VPS37A: variants seen among roughly 807,000 people sequenced by gnomAD.
VPS37A encodes VPS37A subunit of ESCRT-I, also known as vacuolar protein sorting-associated protein 37A.
In VPS37A, 30 loss-of-function variants were observed where a neutral mutation model predicts 49.8. That is an observed-to-expected ratio of 0.60 (90% CI 0.45 to 0.82). The LOEUF is 0.82. Ranked by LOEUF, VPS37A falls within the 40% of genes least tolerant of loss-of-function variation. VPS37A has a pLI of 0.00. For missense variants in VPS37A, 593 were observed against 464.4 expected (o/e 1.28, Z -2.55); for synonymous variants, 195 against 160.6 (o/e 1.21, Z -1.62).
At chr8:17,276,870 G>A (rs958670348) in intron 6 of VPS37A, among the ~76,000 whole-genome samples, 1 of 152,146 alleles carries the variant, frequency 6.6e-6, no homozygotes, top group East Asian at 1.9e-4. Flanking sequence ...AAAGTATTAG[G>A]TGTTTTTACA....
the VPS37A span, among the ~76,000 whole-genome samples, chr8:17,327,258 T>C: frequency 6.6e-6 from 1 of 152,160 alleles, no homozygotes; most frequent in Non-Finnish European, 1.5e-5. Context: ...ACTATCAACA[T>C]AGGCATGTCT....
the VPS37A span, among the ~76,000 whole-genome samples, chr8:17,315,299 C>A: frequency 6.6e-6 from 1 of 152,016 alleles, no homozygotes; most frequent in African/African-American, 2.4e-5. Flanking sequence ...GGCAAAACTA[C>A]GGAGACAGTA....
chr8:17,303,339 T>C (rs1817249080), downstream of VPS37A, among the ~76,000 whole-genome samples: 1 of 152,092 alleles, frequency 6.6e-6, no homozygotes, highest in Non-Finnish European at 1.5e-5. Context: ...GAGAAGATAA[T>C]TAGATTGAAA....
chr8:17,258,533 T>C (rs1452817385), intron 1 of VPS37A, among the ~76,000 whole-genome samples: 1 of 152,152 alleles, frequency 6.6e-6, no homozygotes, highest in Non-Finnish European at 1.5e-5. Context: ...TTTGTCGAAT[T>C]TGGTTTGCTA....
intron 1 of VPS37A, among the ~76,000 whole-genome samples, chr8:17,257,460 G>A (rs1186277772): frequency 6.6e-6 from 1 of 152,146 alleles, no homozygotes; most frequent in Non-Finnish European, 1.5e-5. Flanking sequence ...ATGGATACAG[G>A]GAGGGGAACA....
At chr8:17,294,368 G>C (rs1019193094) in intron 11 of VPS37A, among the ~76,000 whole-genome samples, 1 of 152,218 alleles carries the variant, frequency 6.6e-6, no homozygotes, top group Non-Finnish European at 1.5e-5. Context: ...TTTCAAGCCA[G>C]TGGATCTTAG....
downstream of VPS37A, among the ~76,000 whole-genome samples, chr8:17,301,419 G>C (rs1563311545): frequency 4.6e-5 from 7 of 152,154 alleles, no homozygotes; most frequent in Admixed American, 1.3e-4. Flanking sequence ...CAGGAGTAGG[G>C]ACAGTGAGAG....
the VPS37A span, chr8:17,313,223 G>C: frequency 8.6e-7 from 1 of 1,164,976 alleles, no homozygotes; most frequent in Non-Finnish European, 1.3e-6. Context: ...CCATGGCAGA[G>C]GGATACCCAT....
intron 11 of VPS37A, among the ~76,000 whole-genome samples, chr8:17,290,795 A>G (rs1016654590): frequency 3.3e-5 from 5 of 152,160 alleles, no homozygotes; most frequent in Admixed American, 2.6e-4. Context: ...TTGGCTATGA[A>G]TCAGTCTGGT....
the VPS37A span, among the ~76,000 whole-genome samples, chr8:17,312,028 A>G: frequency 5.3e-5 from 8 of 152,308 alleles, no homozygotes; most frequent in South Asian, 4.1e-4. Flanking sequence ...CAAAAAAGTT[A>G]TAAATTACAG....
chr8:17,247,848 G>C (rs1168505946), intron 1 of VPS37A: 1 of 682,378 alleles, frequency 1.5e-6, no homozygotes, highest in Non-Finnish European at 2.7e-6. Context: ...AATGCTTCTC[G>C]TCTGAGAGTC....
the VPS37A span, among the ~76,000 whole-genome samples, chr8:17,331,677 A>G: frequency 2.0e-5 from 3 of 152,242 alleles, no homozygotes; most frequent in Non-Finnish European, 4.4e-5. Context: ...AGCTGTCAAA[A>G]TAAGGCTCTA....
In VPS37A at chr8:17,295,437, T is replaced by C. The variant is rs1374142521; in HGVS notation, c.*451T>C. On this transcript the variant is annotated 3_prime_UTR_variant, in exon 12 of 12. Transcript: ENST00000324849. Reference sequence around the variant, plus strand: ...TGAGGAAACCCTTATTTTTCTTTCTTTGTGGATAAAACTTTCAAAAGCAAT... The same window carrying C: ...TGAGGAAACCCTTATTTTTCTTTCTCTGTGGATAAAACTTTCAAAAGCAAT... 1 of 152,658 alleles carries C rather than the reference T, an allele frequency of 6.6e-6. No individual in the cohort carries two copies. The highest frequency in any genetic ancestry group is 1.9e-4 in the East Asian group (1 of 5,204). The allele number at this position is 152,658 out of a possible 1,614,324, so 9.5% of individuals were successfully genotyped here.
In VPS37A at chr8:17,247,217, G is replaced by C. The variant is rs1040185552; in HGVS notation, c.-28G>C. 1 of 1,562,724 alleles carries C rather than the reference G, an allele frequency of 6.4e-7. No individual in the cohort carries two copies. On this transcript the variant is annotated 5_prime_UTR_variant, in exon 1 of 12. Transcript: ENST00000324849. ...GGGAGAAGCAGGCCAGAGCCTTCCAGGGCCTCCGGCCCGTGGACCCGAGGA... is the reference window on the plus strand; with the variant it reads ...GGGAGAAGCAGGCCAGAGCCTTCCACGGCCTCCGGCCCGTGGACCCGAGGA...
chr8:17,317,549 A>C, the VPS37A span, among the ~76,000 whole-genome samples: 2 of 152,164 alleles, frequency 1.3e-5, no homozygotes, highest in Non-Finnish European at 2.9e-5. Flanking sequence ...CCTGCGGTCA[A>C]CGTTTCCAGA....
the VPS37A span, among the ~76,000 whole-genome samples, chr8:17,332,660 T>C: frequency 6.6e-6 from 1 of 152,360 alleles, no homozygotes; most frequent in East Asian, 1.9e-4. Flanking sequence ...TGAATGTCTA[T>C]TGCTTTTGCA....
chr8:17,323,310 C>G, the VPS37A span, among the ~76,000 whole-genome samples: 1 of 152,000 alleles, frequency 6.6e-6, no homozygotes, highest in Non-Finnish European at 1.5e-5. Context: ...AGCAAATACA[C>G]TGGGGTCGAA....
At chr8:17,256,947 C>T (rs1172687041) in intron 1 of VPS37A, among the ~76,000 whole-genome samples, 1 of 152,124 alleles carries the variant, frequency 6.6e-6, no homozygotes, top group Non-Finnish European at 1.5e-5. Context: ...TCCCATTTAT[C>T]TGTTTCTGCT....
chr8:17,265,704 T>C lies in VPS37A; in HGVS notation c.126-203T>C, dbSNP rs574083927. 61 of 1,406,068 alleles carry C rather than the reference T, an allele frequency of 4.3e-5. 1 individual carries two copies. In the South Asian group the frequency reaches 7.1e-4, roughly 16 times the overall value. The allele number at this position is 1,406,068 out of a possible 1,614,324, so 87.1% of individuals were successfully genotyped here. A position where few individuals can be genotyped will look rare whatever the true frequency, so the allele number is the denominator to read the frequency against. On this transcript the variant is annotated intron_variant, in intron 1 of 11. Transcript: ENST00000324849. ...TCATCATCCCCCTTCCCCTGGATAG[T>C]TTAGAATGTTACTGTGTGCTTAGAT...
Sources: gnomAD v4.1 joint callset for allele counts (sites outside exome capture counted in the v4.1 genomes callset) on GRCh38, gnomAD v4.1.1 for gene constraint, MANE v1.5 for transcripts, NCBI Gene and HGNC (gene_info 2026-07-23, HGNC 2026-07-21) for gene names.